Variants in IL20RA observed in about 807,000 individuals in gnomAD.
IL20RA encodes interleukin-20 receptor subunit alpha.
In IL20RA, 29 loss-of-function variants were observed where a neutral mutation model predicts 36.5. That is an observed-to-expected ratio of 0.79 (90% CI 0.59 to 1.08). The LOEUF is 1.08. Ranked by LOEUF, IL20RA falls within the 50% of genes least tolerant of loss-of-function variation. The pLI, the probability that IL20RA is intolerant of heterozygous loss-of-function variation, is 0.00. For synonymous variants in IL20RA, 279 were observed against 267.1 expected, an observed-to-expected ratio of 1.04 and a Z score of -0.43; for missense variants, 652 against 668.4, an observed-to-expected ratio of 0.98 and a Z score of 0.27.
intron 1 of IL20RA, among the ~76,000 whole-genome samples, chr6:137,027,285 G>T (rs534600847): frequency 6.6e-6 from 1 of 152,196 alleles, no homozygotes; most frequent in Non-Finnish European, 1.5e-5. Flanking sequence ...GCACGATTCG[G>T]TGCTAGCATT....
chr6:137,011,223 C>A, intron 3 of IL20RA, 51 bp downstream of exon 3: 5 of 1,454,322 alleles, frequency 3.4e-6, no homozygotes, highest in Non-Finnish European at 4.7e-6. Context: ...GACTGTTAAA[C>A]CTGATATGAA....
intron 1 of IL20RA, among the ~76,000 whole-genome samples, chr6:137,026,611 G>C (rs1211719957): frequency 6.6e-6 from 1 of 152,098 alleles, no homozygotes; most frequent in Non-Finnish European, 1.5e-5. Flanking sequence ...TCTACTGTGG[G>C]AACAAGGTTA....
intron 1 of IL20RA, among the ~76,000 whole-genome samples, chr6:137,039,739 T>C (rs1185519230): frequency 6.6e-6 from 1 of 151,950 alleles, no homozygotes; most frequent in Non-Finnish European, 1.5e-5. Flanking sequence ...AGAAAGGAGG[T>C]AGTAGGGCTC....
intron 3 of IL20RA, among the ~76,000 whole-genome samples, chr6:137,010,253 C>T (rs1424964338): frequency 1.3e-5 from 2 of 152,176 alleles, no homozygotes; most frequent in South Asian, 4.1e-4. Flanking sequence ...TTTCAGGCAT[C>T]GCAGGCCATA....
At chr6:137,008,294 A>T (rs1483139915) in intron 5 of IL20RA, among the ~76,000 whole-genome samples, 1 of 152,234 alleles carries the variant, frequency 6.6e-6, no homozygotes, top group East Asian at 1.9e-4. Flanking sequence ...GAAAAAAGGC[A>T]TGTGTAAAAG....
In IL20RA at chr6:137,001,536, A is replaced by G; in HGVS notation, c.*22T>C. 1 of 1,514,436 alleles carries G rather than the reference A, an allele frequency of 6.6e-7. No individual in the cohort carries two copies. The highest frequency in any genetic ancestry group is 8.9e-7 in the Non-Finnish European group (1 of 1,129,874). 93.8% of individuals were successfully genotyped at this position (1,514,436 alleles called of 1,614,324 possible). A position where few individuals can be genotyped will look rare whatever the true frequency, so the allele number is the denominator to read the frequency against. On this transcript the variant is annotated 3_prime_UTR_variant, in exon 7 of 7. Transcript: ENST00000316649. ...ACTCACTTGTTTGCACAGGAAACAA[A>G]AGGCAAAAGGAAGTGTTGGCATCAG...
chr6:137,022,214 G>A (rs1460650594), intron 1 of IL20RA, among the ~76,000 whole-genome samples: 2 of 152,122 alleles, frequency 1.3e-5, no homozygotes, highest in Non-Finnish European at 2.9e-5. Context: ...ACCACATTTT[G>A]TCATAGGAGG....
At chr6:137,044,005 T>C in intron 1 of IL20RA, 1 of 675,292 alleles carries the variant, frequency 1.5e-6, no homozygotes. Context: ...AAAAGTTTTG[T>C]TATTTCTGAA....
At chr6:137,030,060 C>A (rs761233959) in intron 1 of IL20RA, among the ~76,000 whole-genome samples, 7 of 102,446 alleles carry the variant, frequency 6.8e-5, no homozygotes, top group East Asian at 6.6e-4. Flanking sequence ...AAAATGTCAG[C>A]GGTTTGCGGG....
rs1044290083 is a variant in IL20RA at position 137,016,949 on chromosome 6, A to T, written c.224+19T>A. ...GTCTTGTGTTTGTAAGCTAGCCAAAAGGAAAAGAAGAAACTTACATGAAAT... is the reference window on the plus strand; with the variant it reads ...GTCTTGTGTTTGTAAGCTAGCCAAATGGAAAAGAAGAAACTTACATGAAAT... On this transcript the variant is annotated intron_variant, in intron 2 of 6. Transcript: ENST00000316649. The T allele has an allele frequency of 6.2e-7, 1 of 1,610,646 alleles. No homozygotes were observed. The highest frequency in any genetic ancestry group is 8.5e-7 in the Non-Finnish European group (1 of 1,177,826).
At chr6:137,044,127 C>A in intron 1 of IL20RA, 1 of 985,632 alleles carries the variant, frequency 1.0e-6, no homozygotes, top group Non-Finnish European at 1.2e-6. Flanking sequence ...CATGTTCCTT[C>A]GGGGCTGACC....
rs771793685 is a variant in IL20RA at position 137,016,962 on chromosome 6, A to G, written c.224+6T>C. On this transcript the variant is annotated splice_donor_region_variant and intron_variant, in intron 2 of 6. Coordinates refer to ENST00000316649, the MANE Select transcript of IL20RA (RefSeq NM_014432.4). The stretch of plus-strand genomic sequence containing the variant: ...AAGCTAGCCAAAAGGAAAAGAAGAA[A>G]CTTACATGAAATACTGCACAGTGTA... 6.2e-7 allele frequency: 1 copy of G among 1,612,694 alleles called. No individual in the cohort carries two copies.
rs977375997 is a variant in IL20RA at position 137,001,292 on chromosome 6, G to A, written c.*266C>T. ...CCCACCTGAATAAATTCTGCACCCA[G>A]TCTGGCAAACATTTATTGACTGCTT... On this transcript the variant is annotated 3_prime_UTR_variant, in exon 7 of 7. Coordinates refer to ENST00000316649, the MANE Select transcript of IL20RA (RefSeq NM_014432.4). 4 of 320,516 alleles carry A rather than the reference G, an allele frequency of 1.2e-5. No individual in the cohort carries two copies. In the Admixed American group the frequency reaches 1.8e-4, roughly 14 times the overall value. 19.9% of individuals were successfully genotyped at this position (320,516 alleles called of 1,614,324 possible).
intron 2 of IL20RA, among the ~76,000 whole-genome samples, chr6:137,014,878 T>A (rs372203057): frequency 2.6e-5 from 4 of 152,214 alleles, no homozygotes; most frequent in Non-Finnish European, 5.9e-5. Flanking sequence ...TATCTCTCTG[T>A]TAGCTGGAGG....
At chr6:137,034,505 C>T (rs1030284920) in intron 1 of IL20RA, among the ~76,000 whole-genome samples, 30 of 152,176 alleles carry the variant, frequency 2.0e-4, no homozygotes, top group Middle Eastern at 3.4e-3. Flanking sequence ...ACCTATCAAC[C>T]CATCACCTAG....
At position 137,040,071 on chromosome 6, in the gene IL20RA, T is replaced by G. The variant is rs114815634; in HGVS notation, c.88+4570A>C. ...GCTATAATTTAGTAAGTACACGTTTTTCTCATAAGAGCATGAGTTAGCAAT... is the reference window on the plus strand; with the variant it reads ...GCTATAATTTAGTAAGTACACGTTTGTCTCATAAGAGCATGAGTTAGCAAT... On this transcript the variant is annotated intron_variant, in intron 1 of 6. Coordinates refer to ENST00000316649, the MANE Select transcript of IL20RA (RefSeq NM_014432.4). Among the ~76,000 whole-genome samples the G allele has an allele frequency of 2.7e-3, 413 of 152,362 alleles. 5 individuals are homozygous for G. The highest frequency in any genetic ancestry group is 9.3e-3 in the African/African-American group (388 of 41,586).
chr6:137,042,097 G>T (rs1356924271), intron 1 of IL20RA, among the ~76,000 whole-genome samples: 1 of 152,200 alleles, frequency 6.6e-6, no homozygotes, highest in Non-Finnish European at 1.5e-5. Context: ...CTGAGCAGGA[G>T]TTAGCTGGGA....
chr6:137,006,360 G>A (rs1305949023), intron 5 of IL20RA, among the ~76,000 whole-genome samples: 1 of 152,170 alleles, frequency 6.6e-6, no homozygotes, highest in Non-Finnish European at 1.5e-5. Flanking sequence ...GATGCTGCGG[G>A]TGTCAGAACA....
chr6:137,039,483 G>A (rs1031365557), intron 1 of IL20RA, among the ~76,000 whole-genome samples: 27 of 152,162 alleles, frequency 1.8e-4, no homozygotes, highest in Admixed American at 1.2e-3. Context: ...ACACTTGAGC[G>A]AGCAAATCCT....
Sources: allele counts gnomAD v4.1 joint callset (sites outside exome capture counted in the v4.1 genomes callset), GRCh38; gene constraint gnomAD v4.1.1; transcripts MANE v1.5; gene names NCBI Gene and HGNC (gene_info 2026-07-23, HGNC 2026-07-21).